The following SECISBP2L variants were observed in gnomAD, a reference collection of about 807,000 sequenced individuals.
SECISBP2L encodes SECIS binding protein 2 like, also known as selenocysteine insertion sequence-binding protein 2-like.
Under a neutral mutation model 114.7 loss-of-function variants are expected in SECISBP2L, and 43 were observed. The ratio of observed to expected loss-of-function variants is 0.38; its 90% CI spans 0.29 to 0.48. The LOEUF (loss-of-function observed/expected upper bound fraction) is 0.48. Ranked by LOEUF, SECISBP2L falls within the 20% of genes least tolerant of loss-of-function variation. SECISBP2L has a pLI of 0.98. For synonymous variants in SECISBP2L, 451 were observed against 439.7 expected (o/e 1.03, Z -0.32); for missense variants, 1,136 against 1,301.1 (o/e 0.87, Z 1.95).
At position 49,028,507 on chromosome 15, in the gene SECISBP2L, GC is replaced by G; in HGVS notation, c.839del (p.Ser280ThrfsTer10). The G allele has an allele frequency of 6.2e-7, 1 of 1,614,142 alleles. No individual in the cohort carries two copies. The highest frequency in any genetic ancestry group is 8.5e-7 in the Non-Finnish European group (1 of 1,180,010). ...SDSGYCSPKHSNNQPAAGALR... is the reference protein window; with the variant it reads ...SDSGYCSPKHXNNQPAAGALR... The stretch of plus-strand genomic sequence containing the variant: ...AAGCCCCTGCTGCAGGCTGGTTGTT[GC>G]TGTGTTTGGGACTGCAGTAACCACT... On this transcript the variant is annotated frameshift_variant, in exon 5 of 18. Coordinates refer to ENST00000559471, the MANE Select transcript of SECISBP2L (RefSeq NM_001193489.2). LOFTEE classifies it high-confidence loss of function.
chr15:48,996,499 C>T lies in SECISBP2L; in HGVS notation c.2491G>A (p.Glu831Lys). 2 of 1,614,134 alleles carry T rather than the reference C, an allele frequency of 1.2e-6. No individual in the cohort carries two copies. The highest frequency in any genetic ancestry group is 1.7e-6 in the Non-Finnish European group (2 of 1,180,010). Residue 831 changes from glutamate to lysine, a missense_variant, in exon 17 of 18, where the codon GAG (glutamate) becomes AAG (lysine). Glu to Lys is a moderately conservative substitution (Grantham distance 56). Coordinates refer to ENST00000559471, the MANE Select transcript of SECISBP2L (RefSeq NM_001193489.2). ...MVAAMEQEQA[E>K]EALKNVKKVP... ...TTCTTCACATTCTTTAAGGCTTCCT[C>T]AGCCTGCTCCTGTTCCATTGCTGCA... is the stretch of plus-strand genomic sequence containing the variant.
intron 1 of SECISBP2L, among the ~76,000 whole-genome samples, chr15:49,045,285 T>C (rs1903220839): frequency 6.6e-6 from 1 of 152,212 alleles, no homozygotes; most frequent in South Asian, 2.1e-4. Flanking sequence ...TTCAACTACA[T>C]ATAGACACAT....
rs965027418 is a variant in SECISBP2L, at chr15:49,028,385, A to T, written c.894+68T>A. 59 of 1,440,672 alleles carry T rather than the reference A, an allele frequency of 4.1e-5. No individual in the cohort carries two copies. The Middle Eastern group carries it at 7.1e-4, about 17-fold the overall frequency. 89.2% of individuals were successfully genotyped at this position (1,440,672 alleles called of 1,614,324 possible). On this transcript the variant is annotated intron_variant, in intron 5 of 17. Coordinates refer to ENST00000559471, the MANE Select transcript of SECISBP2L (RefSeq NM_001193489.2). ...TAATGAAAACAGATACTTAAGCTTT[A>T]GCAGAGGATGCAAAATAATAATACT...
At chr15:48,996,006 C>T in intron 17 of SECISBP2L, 2 of 204,462 alleles carry the variant, frequency 9.8e-6, no homozygotes, top group South Asian at 1.7e-4. Flanking sequence ...AGATAACTCA[C>T]TACCTTCAGA....
chr15:49,029,770 C>A (rs184471293), intron 4 of SECISBP2L, among the ~76,000 whole-genome samples: 31 of 152,196 alleles, frequency 2.0e-4, no homozygotes, highest in African/African-American at 6.7e-4. Context: ...GTAGTATATA[C>A]CCCCAATGAT....
chr15:48,992,871 A>T lies in SECISBP2L; in HGVS notation c.2679T>A (p.Asn893Lys), dbSNP rs1411703265. 1.2e-6 allele frequency: 2 copies of T among 1,613,966 alleles called. No homozygotes were observed. Among genetic ancestry groups the T allele is most frequent in the Middle Eastern group, 1.7e-4 (1 of 6,060 alleles). The change falls in exon 18 of 18, where the codon AAT becomes AAA. Residue 893 changes from asparagine to lysine, a missense_variant. By Grantham distance (94) the Asn-to-Lys change is moderately conservative. Transcript: ENST00000559471. ...TGTGCTTACAGGATACCTCTTTCTC[A>T]TTTTCTGATGCTTCCAGTCCATCTG... The part of the protein sequence containing the change: ...ETSDGLEASE[N>K]EKEVSCKHST...
intron 7 of SECISBP2L, among the ~76,000 whole-genome samples, chr15:49,026,536 G>A (rs151031969): frequency 1.3e-3 from 195 of 152,168 alleles, no homozygotes; most frequent in African/African-American, 4.5e-3. Context: ...AGTTTCAGAT[G>A]CTCTAAAATC....
Position 49,009,342 on chromosome 15 carries a change from G to A in SECISBP2L, c.1901C>T (p.Ser634Phe), listed in dbSNP as rs1902388269. The A allele has an allele frequency of 6.2e-7, 1 of 1,614,008 alleles. No individual in the cohort carries two copies. The highest frequency in any genetic ancestry group is 8.5e-7 in the Non-Finnish European group (1 of 1,180,002). The change falls in exon 14 of 18, where the codon TCT becomes TTT. Residue 634 changes from serine (S) to phenylalanine (F), a missense_variant. Coordinates refer to ENST00000559471, the MANE Select transcript of SECISBP2L (RefSeq NM_001193489.2). The part of the protein sequence containing the change: ...GLSMPSDTSL[S>F]PASQNSPYCM... ...GTATGGAGAGTTCTGACTTGCTGGA[G>A]AGAGTGAAGTATCACTGGGCATGCT...
At chr15:49,018,556 A>G (rs1369083771) in intron 8 of SECISBP2L, among the ~76,000 whole-genome samples, 1 of 152,182 alleles carries the variant, frequency 6.6e-6, no homozygotes, top group Non-Finnish European at 1.5e-5. Context: ...GGCATTAGCC[A>G]CCACGCCCAG....
intron 11 of SECISBP2L, among the ~76,000 whole-genome samples, chr15:49,013,858 C>T (rs573840263): frequency 3.9e-5 from 6 of 152,216 alleles, no homozygotes; most frequent in African/African-American, 1.4e-4. Context: ...TATTCCTATA[C>T]CCTTGCATCT....
At chr15:49,011,966 T>C (rs897350976) in intron 12 of SECISBP2L, 103 bp from the exon 13 acceptor site, 23 of 1,332,768 alleles carry the variant, frequency 1.7e-5, no homozygotes, top group Admixed American at 2.1e-5. Flanking sequence ...CACTTAAACA[T>C]GAACATGAGA....
chr15:49,018,047 T>C (rs1236534444), intron 8 of SECISBP2L, among the ~76,000 whole-genome samples: 1 of 152,180 alleles, frequency 6.6e-6, no homozygotes, highest in Non-Finnish European at 1.5e-5. Context: ...AAAAACATCT[T>C]TTCCATTGAA....
rs555446834 is a variant in SECISBP2L at position 49,043,623 on chromosome 15, T to C, written c.24+2653A>G. 2.9e-4 allele frequency among the ~76,000 whole-genome samples: 43 copies of C among 147,778 alleles called. No individual in the cohort carries two copies. In the East Asian group the frequency reaches 3.0e-3, roughly 10 times the overall value. ...CAAAATGCAAGTTTTTTTTTTTTTT[T>C]CAGGGGAAAAAATGCATTATATACC... On this transcript the variant is annotated intron_variant, in intron 1 of 17. Coordinates refer to ENST00000559471, the MANE Select transcript of SECISBP2L (RefSeq NM_001193489.2).
At position 49,023,990 on chromosome 15, in the gene SECISBP2L, C is replaced by T. The variant is rs576068518; in HGVS notation, c.1035+3375G>A. Among the ~76,000 whole-genome samples the T allele has an allele frequency of 4.6e-5, 7 of 152,138 alleles. No individual in the cohort carries two copies. The South Asian group carries it at 1.5e-3, about 32-fold the overall frequency. On this transcript the variant is annotated intron_variant, in intron 7 of 17. Coordinates refer to ENST00000559471, the MANE Select transcript of SECISBP2L (RefSeq NM_001193489.2). ...TTTAAAAATCTCTTTTACTTTTCAACCTATTCCATAAAATAAAGCCGTTTT... is the reference window on the plus strand; with the variant it reads ...TTTAAAAATCTCTTTTACTTTTCAATCTATTCCATAAAATAAAGCCGTTTT...
intron 1 of SECISBP2L, among the ~76,000 whole-genome samples, chr15:49,041,936 C>T (rs1903140328): frequency 6.6e-6 from 1 of 152,154 alleles, no homozygotes; most frequent in African/African-American, 2.4e-5. Flanking sequence ...AAACACAGTA[C>T]TTACACGTGT....
chr15:48,993,061 A>G, intron 17 of SECISBP2L, 135 bp from the exon 18 acceptor site: 1 of 750,690 alleles, frequency 1.3e-6, no homozygotes. Context: ...GAAAAACTAC[A>G]AATTTAGTTT....
chr15:48,992,216 T>C lies in SECISBP2L; in HGVS notation c.*28A>G. The C allele has an allele frequency of 6.4e-7, 1 of 1,569,412 alleles. No homozygotes were observed. The highest frequency in any genetic ancestry group is 2.3e-5 in the East Asian group (1 of 44,388). ...GTAATGGCTGCAACCCTTCCACAGC[T>C]GGAGATAGAGAGCCGACATTTCCTG... On this transcript the variant is annotated 3_prime_UTR_variant, in exon 18 of 18. Coordinates refer to ENST00000559471, the MANE Select transcript of SECISBP2L (RefSeq NM_001193489.2).
At chr15:48,996,844 C>G (rs1902102508) in intron 16 of SECISBP2L, among the ~76,000 whole-genome samples, 1 of 152,216 alleles carries the variant, frequency 6.6e-6, no homozygotes, top group Admixed American at 6.5e-5. Context: ...ATTAAAAGTT[C>G]TTACACTATT....
intron 14 of SECISBP2L, among the ~76,000 whole-genome samples, chr15:49,005,851 C>T (rs906021263): frequency 2.0e-5 from 3 of 151,886 alleles, no homozygotes; most frequent in African/African-American, 2.4e-5. Flanking sequence ...ATAGTGTTGA[C>T]GGTCTTTACA....
Sources: allele counts gnomAD v4.1 joint callset (sites outside exome capture counted in the v4.1 genomes callset), GRCh38; gene constraint gnomAD v4.1.1; transcripts MANE v1.5; gene names NCBI Gene and HGNC (gene_info 2026-07-23, HGNC 2026-07-21).